The following HORMAD2 variants were observed in gnomAD, a reference collection of about 807,000 sequenced individuals.
HORMAD2 encodes the protein HORMA domain-containing protein 2.
Under a neutral mutation model 38.8 loss-of-function variants are expected in HORMAD2, and 45 were observed. That is an observed-to-expected ratio of 1.16 (90% CI 0.91 to 1.49). The LOEUF (loss-of-function observed/expected upper bound fraction) is 1.49. Ranked by LOEUF, HORMAD2 falls within the 40% of genes most tolerant of loss-of-function variation. The pLI, the probability that HORMAD2 is intolerant of heterozygous loss-of-function variation, is 0.00. For missense variants in HORMAD2, 338 were observed against 367.0 expected (o/e 0.92, Z 0.65); for synonymous variants, 126 against 122.8 (o/e 1.03, Z -0.17).
chr22:30,111,698 A>C, intron 5 of HORMAD2, 98 bp from the exon 6 acceptor site: 1 of 1,004,110 alleles, frequency 1.0e-6, no homozygotes, highest in South Asian at 1.7e-5. Flanking sequence ...AAATCTTTCG[A>C]ACCTCTCTGA....
At chr22:30,099,895 CAAACAA>C (rs962316355) in intron 3 of HORMAD2, among the ~76,000 whole-genome samples, 25 of 152,024 alleles carry the variant, frequency 1.6e-4, no homozygotes, top group African/African-American at 2.9e-4. Context: ...CTCAGAAAAA[CAAACAA>C]AAACAAAAAC....
chr22:30,187,009 C>T, the HORMAD2 span, among the ~76,000 whole-genome samples: 52 of 152,162 alleles, frequency 3.4e-4, no homozygotes, highest in African/African-American at 1.2e-3. Flanking sequence ...AGCATCCACT[C>T]TAACTACGTT....
the HORMAD2 span, among the ~76,000 whole-genome samples, chr22:30,182,997 A>G: frequency 6.6e-6 from 1 of 152,156 alleles, no homozygotes; most frequent in Admixed American, 6.5e-5. Context: ...GTCTTTCCAG[A>G]GCTATTTTAG....
the HORMAD2 span, among the ~76,000 whole-genome samples, chr22:30,206,585 C>T: frequency 1.4e-4 from 21 of 151,920 alleles, no homozygotes; most frequent in Non-Finnish European, 2.2e-4. Flanking sequence ...TGGGCTCAAG[C>T]AATCCTCTCG....
At chr22:30,203,992 CAT>C in the HORMAD2 span, among the ~76,000 whole-genome samples, 5 of 152,308 alleles carry the variant, frequency 3.3e-5, no homozygotes, top group Non-Finnish European at 5.9e-5. Flanking sequence ...TGCACACACA[CAT>C]GTGCATCCTC....
the HORMAD2 span, among the ~76,000 whole-genome samples, chr22:30,201,225 C>T: frequency 1.3e-5 from 2 of 152,090 alleles, no homozygotes; most frequent in Non-Finnish European, 2.9e-5. Flanking sequence ...CCAGTCTCTA[C>T]CTCTGTCTTC....
chr22:30,129,232 AAAAAAAAAAAAAAAAAAAAAAAAAGAG>A (rs1569102293), intron 10 of HORMAD2, among the ~76,000 whole-genome samples: 1 of 67,272 alleles, frequency 1.5e-5, no homozygotes. Context: ...AAAAAAAAAA[AAAAAAAAAAAAAAAAAAAAAAAAAGAG>A]AGAGAGAGAA....
In HORMAD2 at chr22:30,122,199, A is replaced by G; in HGVS notation, c.804A>G (p.Glu268=). ...AHQGLDCDEE[E]ECNDHIQRMN... ...AGGGTCTAGACTGTGATGAGGAAGAAGAATGCAATGACCATGTAAGGCAAA... is the reference window on the plus strand; with the variant it reads ...AGGGTCTAGACTGTGATGAGGAAGAGGAATGCAATGACCATGTAAGGCAAA... Residue 268 remains glutamate, a synonymous_variant, in exon 10 of 11, where the codon GAA becomes GAG. Coordinates refer to ENST00000336726, the MANE Select transcript of HORMAD2 (RefSeq NM_152510.4). 6.2e-7 allele frequency: 1 copy of G among 1,611,954 alleles called. No individual in the cohort carries two copies. Among genetic ancestry groups the G allele is most frequent in the Non-Finnish European group, 8.5e-7 (1 of 1,178,872 alleles).
At chr22:30,197,247 T>C in the HORMAD2 span, among the ~76,000 whole-genome samples, 1 of 152,170 alleles carries the variant, frequency 6.6e-6, no homozygotes, top group East Asian at 1.9e-4. Context: ...TAGGTTTTTT[T>C]TTTAATCACA....
At chr22:30,184,343 A>G in the HORMAD2 span, among the ~76,000 whole-genome samples, 1 of 152,258 alleles carries the variant, frequency 6.6e-6, no homozygotes, top group Non-Finnish European at 1.5e-5. Context: ...GTTTCCATAA[A>G]GTGAAATGCA....
At chr22:30,079,712 C>T (rs921252623), upstream of HORMAD2, among the ~76,000 whole-genome samples, 6 of 152,116 alleles carry the variant, frequency 3.9e-5, no homozygotes, top group Admixed American at 6.5e-5. Flanking sequence ...CGGAGTCTCG[C>T]TCTGTCGCCC....
At chr22:30,080,204 T>G (rs1416788043), upstream of HORMAD2, 1 of 152,410 alleles carries the variant, frequency 6.6e-6, no homozygotes, top group African/African-American at 2.4e-5. Context: ...TGGCGGCCCC[T>G]GACCGAAGGT....
At chr22:30,151,860 G>T (rs1432155235) in intron 10 of HORMAD2, among the ~76,000 whole-genome samples, 2 of 152,180 alleles carry the variant, frequency 1.3e-5, no homozygotes, top group Non-Finnish European at 2.9e-5. Flanking sequence ...TGGATGCTTT[G>T]TGTCATTATC....
At chr22:30,114,185 G>C (rs1043735060) in intron 7 of HORMAD2, among the ~76,000 whole-genome samples, 2 of 152,172 alleles carry the variant, frequency 1.3e-5, no homozygotes, top group African/African-American at 4.8e-5. Context: ...TGGTTATGTG[G>C]TAAGTTTTGA....
chr22:30,201,744 G>T, the HORMAD2 span, among the ~76,000 whole-genome samples: 1 of 152,036 alleles, frequency 6.6e-6, no homozygotes, highest in African/African-American at 2.4e-5. Context: ...CCTTTTCGGG[G>T]GACACAATCC....
chr22:30,099,433 A>G (rs1920929182), intron 3 of HORMAD2, among the ~76,000 whole-genome samples: 1 of 152,244 alleles, frequency 6.6e-6, no homozygotes, highest in Non-Finnish European at 1.5e-5. Flanking sequence ...CTTGTTGATT[A>G]ACATGGATAT....
chr22:30,163,063 T>A (rs1054112906), intron 10 of HORMAD2, among the ~76,000 whole-genome samples: 1 of 152,180 alleles, frequency 6.6e-6, no homozygotes, highest in African/African-American at 2.4e-5. Context: ...ACTTACTTTT[T>A]TCACTTAACA....
intron 2 of HORMAD2, among the ~76,000 whole-genome samples, chr22:30,094,982 T>C (rs528468132): frequency 6.6e-6 from 1 of 152,280 alleles, no homozygotes; most frequent in South Asian, 2.1e-4. Flanking sequence ...TTTGGGGATC[T>C]GTTTATACCT....
rs5753009 is a variant in HORMAD2, at chr22:30,088,184, T to C, written c.-37-5732T>C. Among the ~76,000 whole-genome samples, 1,846 of 150,156 alleles carry C rather than the reference T, an allele frequency of 0.012. 179 individuals are homozygous for C. In the East Asian group the frequency reaches 0.26, roughly 21 times the overall value. ...GTATACCTATGTATACATATATACA[T>C]ATATACCTATGTATACATATATACA... On this transcript the variant is annotated intron_variant, in intron 1 of 10. Transcript: ENST00000336726.
Sources: allele counts gnomAD v4.1 joint callset (sites outside exome capture counted in the v4.1 genomes callset), GRCh38; gene constraint gnomAD v4.1.1; transcripts MANE v1.5; gene names NCBI Gene and HGNC (gene_info 2026-07-23, HGNC 2026-07-21).